Variants in MOB4 observed in about 807,000 individuals in gnomAD.
MOB4 encodes the protein MOB-like protein phocein.
Under a neutral mutation model 32.2 loss-of-function variants are expected in MOB4, and 4 were observed. The ratio of observed to expected loss-of-function variants is 0.12; its 90% confidence interval spans 0.06 to 0.28. The LOEUF (loss-of-function observed/expected upper bound fraction) is 0.28, where lower values mean the gene tolerates loss of function less well. MOB4 is among the 10% of genes least tolerant of loss of function. MOB4 has a pLI of 1.00. For missense variants in MOB4, 158 were observed against 271.2 expected (o/e 0.58, Z 2.93); for synonymous variants, 88 against 88.1 (o/e 1.00, Z 0.01).
In MOB4 at chr2:197,524,543, A is replaced by C. The variant is rs1475725209; in HGVS notation, c.123+857A>C. 5.3e-5 allele frequency among the ~76,000 whole-genome samples: 8 copies of C among 150,230 alleles called. No individual in the cohort carries two copies. The East Asian group carries it at 1.2e-3, about 22-fold the overall frequency. ...AAGACTCTGTCTCAAAAAAAAAAAA[A>C]AAAACAAAAACAAAAACAAAAATAC... On this transcript the variant is annotated intron_variant, in intron 2 of 7. Coordinates refer to ENST00000323303, the MANE Select transcript of MOB4 (RefSeq NM_015387.5).
chr2:197,548,510 C>T (rs978359864), intron 6 of MOB4, 95 bp downstream of exon 6: 2 of 721,708 alleles, frequency 2.8e-6, no homozygotes, highest in Non-Finnish European at 4.5e-6. Context: ...GTATTAGGAG[C>T]TATACCTAAT....
chr2:197,541,867 C>T (rs1202309832), intron 5 of MOB4, among the ~76,000 whole-genome samples: 3 of 151,444 alleles, frequency 2.0e-5, no homozygotes. Context: ...TGCAGTGAGC[C>T]GAGATCCCGC....
chr2:197,515,695 T>C (rs1416482939), upstream of MOB4: 2 of 218,498 alleles, frequency 9.2e-6, no homozygotes, highest in Non-Finnish European at 1.8e-5. Flanking sequence ...GTGGGTTTAC[T>C]GAAACGGTCG....
chr2:197,534,691 T>C (rs2086767622), intron 2 of MOB4, among the ~76,000 whole-genome samples: 1 of 152,150 alleles, frequency 6.6e-6, no homozygotes, highest in Non-Finnish European at 1.5e-5. Context: ...TACAGGTGTG[T>C]GCCACCACGC....
intron 2 of MOB4, among the ~76,000 whole-genome samples, chr2:197,533,024 G>A (rs1171331544): frequency 6.6e-6 from 1 of 151,132 alleles, no homozygotes; most frequent in South Asian, 2.1e-4. Context: ...ACTTGAACCC[G>A]GAAGGCAGAG....
At chr2:197,517,245 A>G (rs897738978) in intron 1 of MOB4, among the ~76,000 whole-genome samples, 1 of 152,234 alleles carries the variant, frequency 6.6e-6, no homozygotes, top group African/African-American at 2.4e-5. Flanking sequence ...TTCTTAATTC[A>G]CTGGTGACCT....
At position 197,550,268 on chromosome 2, in the gene MOB4, C is replaced by T. The variant is rs117637768; in HGVS notation, c.435-7C>T. Reference sequence around the variant, plus strand: ...CTAAGAATCTATGGTTTCTTTTCTACTTCTAGGGTTAGCATAAAGGAATCA... The same window carrying T: ...CTAAGAATCTATGGTTTCTTTTCTATTTCTAGGGTTAGCATAAAGGAATCA... On this transcript the variant is annotated splice_region_variant and splice_polypyrimidine_tract_variant and intron_variant, in intron 6 of 7. Transcript: ENST00000323303. 1,311 of 1,607,476 alleles carry T rather than the reference C, an allele frequency of 8.2e-4. 21 individuals carry two copies. In the East Asian group the frequency reaches 0.027, roughly 33 times the overall value.
intron 5 of MOB4, among the ~76,000 whole-genome samples, chr2:197,547,477 A>T (rs1489671552): frequency 1.3e-5 from 2 of 152,224 alleles, no homozygotes; most frequent in Admixed American, 6.5e-5. Context: ...CAAGGAGTCC[A>T]CTAATCAGAA....
intron 3 of MOB4, among the ~76,000 whole-genome samples, chr2:197,536,211 G>A (rs72914969): frequency 0.27 from 40,312 of 151,872 alleles, 6,607 homozygotes; most frequent in South Asian, 0.43. Context: ...TATTATCCCC[G>A]CCTTTTTTTT....
Position 197,548,375 on chromosome 2 carries a change from G to T in MOB4, c.394G>T (p.Ala132Ser). 6.2e-7 allele frequency: 1 copy of T among 1,607,210 alleles called. No individual in the cohort carries two copies. The highest frequency in any genetic ancestry group is 8.5e-7 in the Non-Finnish European group (1 of 1,176,588). ...CTATACTAGACACACACTTGATGGTGCTGCATGTCTTCTGAATAGCAATAA... is the reference window on the plus strand; with the variant it reads ...CTATACTAGACACACACTTGATGGTTCTGCATGTCTTCTGAATAGCAATAA... Reference protein sequence around the residue: ...IDYTRHTLDGAACLLNSNKYF... With the variant: ...IDYTRHTLDGSACLLNSNKYF... The change falls in exon 6 of 8, where the codon GCT becomes TCT. Residue 132 changes from alanine to serine, a missense_variant. Physicochemically the swap from Ala to Ser is moderately conservative, Grantham distance 99. Transcript: ENST00000323303.
chr2:197,541,333 A>G (rs1370586990), intron 5 of MOB4, among the ~76,000 whole-genome samples: 1 of 152,014 alleles, frequency 6.6e-6, no homozygotes, highest in Non-Finnish European at 1.5e-5. Flanking sequence ...CTGTATTCCC[A>G]TTTAATCTGT....
chr2:197,528,616 C>CTT (rs60927398), intron 2 of MOB4, among the ~76,000 whole-genome samples: 106 of 131,674 alleles, frequency 8.1e-4, no homozygotes, highest in African/African-American at 2.4e-3. Flanking sequence ...TTTTCTTTTT[C>CTT]TTTTTTTTTT....
intron 5 of MOB4, 72 bp from the exon 6 acceptor site, chr2:197,548,264 C>T: frequency 1.5e-6 from 2 of 1,302,526 alleles, no homozygotes; most frequent in East Asian, 2.5e-5. Flanking sequence ...ATAAGGTATA[C>T]CCATATAATG....
At chr2:197,542,720 A>C (rs1253802918) in intron 5 of MOB4, among the ~76,000 whole-genome samples, 1 of 152,258 alleles carries the variant, frequency 6.6e-6, no homozygotes, top group Non-Finnish European at 1.5e-5. Context: ...AATATAATAC[A>C]TAAAAATTTG....
chr2:197,552,383 G>A lies in MOB4; in HGVS notation c.*1737G>A, dbSNP rs1395665124. On this transcript the variant is annotated 3_prime_UTR_variant, in exon 8 of 8. Transcript: ENST00000323303. ...ATAAATTATATATAGCAGTGTAGCT[G>A]TTCTCTCTAGATGGTGTCTCACAAT... 1 of 152,292 alleles carries A rather than the reference G, an allele frequency of 6.6e-6. No homozygotes were observed. Among genetic ancestry groups the A allele is most frequent in the Non-Finnish European group, 1.5e-5 (1 of 68,016 alleles). 9.4% of individuals were successfully genotyped at this position (152,292 alleles called of 1,614,324 possible).
chr2:197,528,782 A>AT lies in MOB4; in HGVS notation c.123+5103dup, dbSNP rs534779271. Among the ~76,000 whole-genome samples the AT allele has an allele frequency of 2.4e-3, 355 of 150,692 alleles. 1 individual carries two copies. Among genetic ancestry groups the AT allele is most frequent in the African/African-American group, 8.4e-3 (346 of 41,030 alleles). ...AGGCGCCCGCCATCACCCCCGGCTAATTTTTTTGTATTTTTAGTAGAGAAC... is the reference window on the plus strand; with the variant it reads ...AGGCGCCCGCCATCACCCCCGGCTAATTTTTTTTGTATTTTTAGTAGAGAAC... On this transcript the variant is annotated intron_variant, in intron 2 of 7. Coordinates refer to ENST00000323303, the MANE Select transcript of MOB4 (RefSeq NM_015387.5).
upstream of MOB4, chr2:197,516,064 C>A (rs767357037): frequency 1.1e-5 from 17 of 1,572,584 alleles, no homozygotes; most frequent in Non-Finnish European, 8.6e-7. Context: ...GGTACCGACT[C>A]CAGCCGCCTA....
chr2:197,528,568 C>T (rs2086645881), intron 2 of MOB4, among the ~76,000 whole-genome samples: 1 of 151,748 alleles, frequency 6.6e-6, no homozygotes, highest in East Asian at 1.9e-4. Context: ...ACAATGTCTC[C>T]TGCTCCCTGC....
intron 2 of MOB4, among the ~76,000 whole-genome samples, chr2:197,524,244 A>G (rs1559314994): frequency 6.6e-6 from 1 of 152,116 alleles, no homozygotes; most frequent in Non-Finnish European, 1.5e-5. Flanking sequence ...TTAAAAAAAT[A>G]AAAATAGCCC....
Sources: gnomAD v4.1 joint callset for allele counts (sites outside exome capture counted in the v4.1 genomes callset) on GRCh38, gnomAD v4.1.1 for gene constraint, MANE v1.5 for transcripts, NCBI Gene and HGNC (gene_info 2026-07-23, HGNC 2026-07-21) for gene names.